GSDME: variants seen among roughly 807,000 people sequenced by gnomAD.
GSDME encodes gasdermin E.
Under a neutral mutation model 47.5 loss-of-function variants are expected in GSDME, and 44 were observed. The observed-to-expected ratio is 0.93, with a 90% CI of 0.73 to 1.19. The LOEUF is 1.19. Among genes scored for constraint, GSDME ranks in the 50% most tolerant of loss-of-function variants. The pLI, the probability that GSDME is intolerant of heterozygous loss-of-function variation, is 0.00. For missense variants in GSDME, 663 were observed against 604.2 expected, an observed-to-expected ratio of 1.10 and a Z score of -1.02; for synonymous variants, 258 against 252.8, an observed-to-expected ratio of 1.02 and a Z score of -0.20.
intron 3 of GSDME, among the ~76,000 whole-genome samples, chr7:24,729,742 G>C (rs184107799): frequency 1.6e-4 from 24 of 152,248 alleles, no homozygotes; most frequent in African/African-American, 5.5e-4. Context: ...AGGGCAACTG[G>C]TGAGAGATTA....
rs113367390 is a variant in GSDME, at chr7:24,705,206, C to T, written c.1183+978G>A. Reference sequence around the variant, plus strand: ...GACAGAATGCCTGTTCTGAAAGACTCTAATACCCGGATGTTAACATTGGGA... The same window carrying T: ...GACAGAATGCCTGTTCTGAAAGACTTTAATACCCGGATGTTAACATTGGGA... On this transcript the variant is annotated intron_variant, in intron 8 of 9. Transcript: ENST00000645220. The surrounding 1 kb of genome is among the most constrained non-coding windows in gnomAD (Gnocchi z 4.1). 2.6e-5 allele frequency: 4 copies of T among 152,344 alleles called. No homozygotes were observed. The highest frequency in any genetic ancestry group is 2.1e-4 in the South Asian group (1 of 4,826). The allele number at this position is 152,344 out of a possible 1,614,324, so 9.4% of individuals were successfully genotyped here.
At chr7:24,710,131 A>AG (rs1041200069) in intron 6 of GSDME, 93 bp downstream of exon 6, 4 of 1,336,574 alleles carry the variant, frequency 3.0e-6, no homozygotes, top group African/African-American at 2.9e-5. Context: ...TGAGTCACTG[A>AG]GGGGTCACTG....
chr7:24,737,248 C>T lies in GSDME; in HGVS notation c.404+7314G>A, dbSNP rs144776646. ...TAAAAAGATAAATGAAGTTGACAAA[C>T]CTTTAGCCAGACTAAGAAAAAAAGA... On this transcript the variant is annotated intron_variant, in intron 3 of 9. Coordinates refer to ENST00000645220, the MANE Select transcript of GSDME (RefSeq NM_001127453.2). Among the ~76,000 whole-genome samples, 1,153 of 151,226 alleles carry T rather than the reference C, an allele frequency of 7.6e-3. 9 individuals carry two copies. Among genetic ancestry groups the T allele is most frequent in the Middle Eastern group, 0.034 (10 of 294 alleles).
chr7:24,747,553 A>C (rs1790705538), intron 2 of GSDME, among the ~76,000 whole-genome samples: 1 of 152,260 alleles, frequency 6.6e-6, no homozygotes. Context: ...CCAAGTGTTC[A>C]AAAAGTTTCC....
chr7:24,750,395 T>C (rs56150926), intron 1 of GSDME, among the ~76,000 whole-genome samples: 5,719 of 152,238 alleles, frequency 0.038, 153 homozygotes, highest in Non-Finnish European at 0.056. Context: ...GGTGGGAGGA[T>C]TGCTTGAGTC....
chr7:24,767,114 AG>A, the GSDME span, among the ~76,000 whole-genome samples: 2 of 152,206 alleles, frequency 1.3e-5, no homozygotes, highest in African/African-American at 4.8e-5. The surrounding 1 kb of genome is among the most constrained non-coding windows in gnomAD (Gnocchi z 5.3). Context: ...ACCTGAGGTC[AG>A]GGGTTCAAGA....
At position 24,744,537 on chromosome 7, in the gene GSDME, C is replaced by CA; in HGVS notation, c.404+24dup. 6.2e-7 allele frequency: 1 copy of CA among 1,613,758 alleles called. No homozygotes were observed. The highest frequency in any genetic ancestry group is 2.2e-5 in the East Asian group (1 of 44,884). On this transcript the variant is annotated intron_variant, in intron 3 of 9. Coordinates refer to ENST00000645220, the MANE Select transcript of GSDME (RefSeq NM_001127453.2). This position sits in a 1 kb window ranked among gnomAD's most constrained non-coding sequence, Gnocchi z 4.5. ...TTTAAATGTGAGATGTGTCAAAATC[C>CA]AAAATGCCAAACAAGTCTCCTTACC...
chr7:24,719,071 C>T lies in GSDME; in HGVS notation c.552G>A (p.Val184=). The stretch of plus-strand genomic sequence containing the variant: ...CCTGCACCGTCTTGGTCTGGATGCC[C>T]ACGATGCCACCACACTTCTCCTCGA... The part of the protein sequence containing the change: ...MQVEEKCGGI[V]GIQTKTVQVS... The change falls in exon 4 of 10, where the codon GTG becomes GTA. Residue 184 remains valine, a synonymous_variant. Transcript: ENST00000645220. 6.2e-7 allele frequency: 1 copy of T among 1,613,030 alleles called. No individual in the cohort carries two copies. The highest frequency in any genetic ancestry group is 8.5e-7 in the Non-Finnish European group (1 of 1,180,022).
At chr7:24,741,731 T>C (rs1790498885) in intron 3 of GSDME, among the ~76,000 whole-genome samples, 1 of 152,172 alleles carries the variant, frequency 6.6e-6, no homozygotes, top group Non-Finnish European at 1.5e-5. Flanking sequence ...AGGCCACGCA[T>C]GTATCAACAA....
At chr7:24,710,666 G>T in intron 5 of GSDME, 1 of 417,778 alleles carries the variant, frequency 2.4e-6, no homozygotes, top group South Asian at 3.0e-5. Flanking sequence ...TAAAACATTG[G>T]AAATATTATT....
the GSDME span, among the ~76,000 whole-genome samples, chr7:24,791,168 G>C: frequency 1.3e-5 from 2 of 152,064 alleles, no homozygotes; most frequent in Admixed American, 1.3e-4. The surrounding 1 kb of genome is among the most constrained non-coding windows in gnomAD (Gnocchi z 4.8). Flanking sequence ...TGTGGGAGTG[G>C]TCAAGACCAC....
Position 24,750,393 on chromosome 7 carries a change from G to A in GSDME, c.-19-600C>T, listed in dbSNP as rs575410201. On this transcript the variant is annotated intron_variant, in intron 1 of 9. Coordinates refer to ENST00000645220, the MANE Select transcript of GSDME (RefSeq NM_001127453.2). ...GCATTTTGGGAGGCCAAGGTGGGAG[G>A]ATTGCTTGAGTCCAGGAATTGGAGA... Among the ~76,000 whole-genome samples the A allele has an allele frequency of 1.1e-4, 17 of 152,338 alleles. No individual in the cohort carries two copies. The South Asian group carries it at 1.4e-3, about 13-fold the overall frequency.
chr7:24,766,486 A>T, the GSDME span, among the ~76,000 whole-genome samples: 1 of 151,718 alleles, frequency 6.6e-6, no homozygotes, highest in South Asian at 2.1e-4. This position sits in a 1 kb window ranked among gnomAD's most constrained non-coding sequence, Gnocchi z 4.2. Context: ...CCGGTGTGTG[A>T]CGTTGCCCTC....
At chr7:24,701,855 G>C (rs1259499663) in intron 9 of GSDME, among the ~76,000 whole-genome samples, 1 of 152,206 alleles carries the variant, frequency 6.6e-6, no homozygotes, top group Non-Finnish European at 1.5e-5. Context: ...ATGCTGCATA[G>C]TCTTCTAATG....
At chr7:24,701,398 G>A (rs1189394203) in intron 9 of GSDME, among the ~76,000 whole-genome samples, 1 of 152,224 alleles carries the variant, frequency 6.6e-6, no homozygotes, top group Non-Finnish European at 1.5e-5. Flanking sequence ...AGCAGAACTT[G>A]GGGGTAATAC....
chr7:24,714,129 CAA>C lies in GSDME; in HGVS notation c.697+3123_697+3124del, dbSNP rs1293307582. Among the ~76,000 whole-genome samples, 2 of 152,178 alleles carry C rather than the reference CAA, an allele frequency of 1.3e-5. No homozygotes were observed. The highest frequency in any genetic ancestry group is 2.9e-5 in the Non-Finnish European group (2 of 68,044). On this transcript the variant is annotated intron_variant, in intron 5 of 9. Coordinates refer to ENST00000645220, the MANE Select transcript of GSDME (RefSeq NM_001127453.2). The surrounding 1 kb of genome is among the most constrained non-coding windows in gnomAD (Gnocchi z 5.0). ...TGTATAAAAGTGCAAGGCAGAAGGT[CAA>C]GAGAATGAAAGGGTGTTTCTGATTG...
chr7:24,707,453 A>T (rs1429007193), intron 7 of GSDME: 1 of 471,242 alleles, frequency 2.1e-6, no homozygotes, highest in Non-Finnish European at 4.4e-6. Flanking sequence ...GCAAAAGCCT[A>T]TTTATTTCTC....
At chr7:24,701,641 A>G (rs567298746) in intron 9 of GSDME, among the ~76,000 whole-genome samples, 32 of 152,344 alleles carry the variant, frequency 2.1e-4, no homozygotes, top group African/African-American at 7.7e-4. Context: ...TTTGCTCATC[A>G]TTGCATACAA....
chr7:24,724,264 TAGCCCTGTGCTATCCACCC>T lies in GSDME; in HGVS notation c.405-5065_405-5047del. On this transcript the variant is annotated intron_variant, in intron 3 of 9. Transcript: ENST00000645220. The surrounding 1 kb of genome is among the most constrained non-coding windows in gnomAD (Gnocchi z 4.8). Reference sequence around the variant, plus strand: ...AGTACTTGCTCTTTTTATTGGTGCCTAGCCCTGTGCTATCCACCCAGCTGGGGGATAAAATGAATGGTTT... The same window carrying T: ...AGTACTTGCTCTTTTTATTGGTGCCTAGCTGGGGGATAAAATGAATGGTTT... Among the ~76,000 whole-genome samples the T allele has an allele frequency of 6.6e-6, 1 of 152,144 alleles. No homozygotes were observed. Among genetic ancestry groups the T allele is most frequent in the South Asian group, 2.1e-4 (1 of 4,806 alleles).
Sources: allele counts gnomAD v4.1 joint callset (sites outside exome capture counted in the v4.1 genomes callset), GRCh38; gene constraint gnomAD v4.1.1; non-coding constraint Gnocchi (gnomAD v3.1); transcripts MANE v1.5; gene names NCBI Gene and HGNC (gene_info 2026-07-23, HGNC 2026-07-21).